The following AFF1 variants were observed in gnomAD, a reference collection of about 807,000 sequenced individuals.
AFF1 encodes the protein ALF transcription elongation factor 1, also known as AF4/FMR2 family member 1.
A neutral mutation model predicts 121.7 loss-of-function variants in AFF1; 48 were observed. The ratio of observed to expected loss-of-function variants is 0.39; its 90% CI spans 0.31 to 0.50. The LOEUF is 0.50. Ranked by LOEUF, AFF1 falls within the 20% of genes least tolerant of loss-of-function variation. AFF1 has a pLI of 0.76. For missense variants in AFF1, 1,523 were observed against 1,511.7 expected, an observed-to-expected ratio of 1.01 and a Z score of -0.12; for synonymous variants, 613 against 563.0, an observed-to-expected ratio of 1.09 and a Z score of -1.26.
In AFF1 at chr4:87,115,234, G is replaced by A. The variant is rs753971459; in HGVS notation, c.2401G>A (p.Gly801Arg). Reference protein sequence around the residue: ...RKAEDKQPPAGKKHSSEKRSS... With the variant: ...RKAEDKQPPARKKHSSEKRSS... ...AGCAGAAGATAAACAGCCGCCCGCA[G>A]GGAAGAAGCACAGCTCTGAGAAGAG... The change falls in exon 12 of 21, where the codon GGG (glycine) becomes AGG (arginine). Residue 801 changes from glycine to arginine, a missense_variant. By Grantham distance (125) the Gly-to-Arg change is moderately radical (BLOSUM62 -2). Around this residue, in one of 5 missense-constraint regions of AFF1, gnomAD observed 905 missense variants for 842.5 expected, o/e 1.07. Transcript: ENST00000395146. The A allele has an allele frequency of 1.2e-5, 20 of 1,614,098 alleles. No homozygotes were observed. In the South Asian group the frequency reaches 1.8e-4, roughly 14 times the overall value.
intron 2 of AFF1, among the ~76,000 whole-genome samples, chr4:86,954,006 C>T (rs1376745866): frequency 1.3e-5 from 2 of 152,064 alleles, no homozygotes; most frequent in South Asian, 2.1e-4. Flanking sequence ...CCACCGTGCC[C>T]GGCCTAGTTC....
chr4:87,047,729 A>T, intron 4 of AFF1, 135 bp downstream of exon 4: 1 of 1,172,340 alleles, frequency 8.5e-7, no homozygotes, highest in Non-Finnish European at 1.3e-6. Flanking sequence ...TGGCTTTAGG[A>T]TCTTGTTAAT....
intron 17 of AFF1, 111 bp from the exon 18 acceptor site, chr4:87,131,682 G>T (rs1728842531): frequency 3.2e-6 from 3 of 950,662 alleles, no homozygotes; most frequent in African/African-American, 1.7e-5. Flanking sequence ...TTCCTGTGAT[G>T]CTCTCATCTC....
At chr4:87,049,618 G>T (rs775690461) in intron 4 of AFF1, 28 of 455,860 alleles carry the variant, frequency 6.1e-5, no homozygotes, top group Admixed American at 9.4e-5. Flanking sequence ...CAACAATGGA[G>T]TAGAAGTAAA....
intron 1 of AFF1, among the ~76,000 whole-genome samples, chr4:86,941,491 T>C (rs7671931): frequency 0.25 from 37,654 of 151,966 alleles, 5,134 homozygotes; most frequent in African/African-American, 0.37. Context: ...AAACCCCGTC[T>C]CTACTAAAAA....
intron 4 of AFF1, among the ~76,000 whole-genome samples, chr4:87,075,921 A>G (rs570938935): frequency 7.9e-5 from 12 of 152,334 alleles, no homozygotes; most frequent in Admixed American, 5.2e-4. Context: ...TGACATGACA[A>G]AATCGAGTAT....
rs1161482707 is a variant in AFF1, at chr4:87,105,805, T to G, written c.1339-3T>G. ...CTTTCTTCCCCTTATTGTGAATGCC[T>G]AGACCCCAGAGAAGCCTCCCTCCTC... On this transcript the variant is annotated splice_region_variant and splice_polypyrimidine_tract_variant and intron_variant, in intron 9 of 20. Transcript: ENST00000395146. 6.2e-7 allele frequency: 1 copy of G among 1,614,160 alleles called. No individual in the cohort carries two copies. Among genetic ancestry groups the G allele is most frequent in the Admixed American group, 1.7e-5 (1 of 60,016 alleles).
chr4:87,068,850 C>T (rs941881817), intron 4 of AFF1, among the ~76,000 whole-genome samples: 6 of 152,086 alleles, frequency 3.9e-5, no homozygotes, highest in African/African-American at 1.4e-4. Flanking sequence ...CTAGTGGCAC[C>T]GATTAGGGCT....
intron 2 of AFF1, among the ~76,000 whole-genome samples, chr4:86,963,166 C>CATGA (rs1722270638): frequency 1.6e-5 from 1 of 63,294 alleles, no homozygotes; most frequent in Non-Finnish European, 2.7e-5. Flanking sequence ...ACTCCCATCT[C>CATGA]AAAAAAAAAA....
intron 2 of AFF1, among the ~76,000 whole-genome samples, chr4:86,996,039 C>CCA (rs1725153971): frequency 6.6e-6 from 1 of 151,812 alleles, no homozygotes; most frequent in Admixed American, 6.6e-5. Context: ...CGCCCAGCAG[C>CCA]CACCCCGTCT....
At chr4:87,076,904 CTG>C (rs2149688850) in intron 4 of AFF1, among the ~76,000 whole-genome samples, 1 of 152,338 alleles carries the variant, frequency 6.6e-6, no homozygotes, top group South Asian at 2.1e-4. Flanking sequence ...GTAATTTACT[CTG>C]TGTCTATAGA....
In AFF1 at chr4:87,105,734, A is replaced by G. The variant is rs17012457; in HGVS notation, c.1338+52A>G. On this transcript the variant is annotated intron_variant, in intron 9 of 20. Transcript: ENST00000395146. ...AGGAGTCCTTTTAAATACATCTAAC[A>G]GATCTGAGCTGCTTGTTCTAACCTG... is the stretch of plus-strand genomic sequence containing the variant. 5.8e-3 allele frequency: 9,288 copies of G among 1,613,758 alleles called. 789 individuals are homozygous for G. The Admixed American group carries it at 0.14, about 25-fold the overall frequency.
intron 2 of AFF1, among the ~76,000 whole-genome samples, chr4:86,958,611 G>C (rs1005281741): frequency 6.6e-6 from 1 of 151,960 alleles, no homozygotes; most frequent in Non-Finnish European, 1.5e-5. Context: ...CCAGCTACTC[G>C]GGAGGCTGAG....
At chr4:87,057,730 A>G (rs1720295793) in intron 4 of AFF1, among the ~76,000 whole-genome samples, 1 of 152,252 alleles carries the variant, frequency 6.6e-6, no homozygotes, top group Non-Finnish European at 1.5e-5. Flanking sequence ...ATTAATTCCC[A>G]GTTAAGAGTT....
At chr4:87,127,173 C>T (rs556443623) in intron 15 of AFF1, 56 bp downstream of exon 15, 12 of 1,296,350 alleles carry the variant, frequency 9.3e-6, no homozygotes, top group Admixed American at 5.6e-5. Flanking sequence ...GCTTCCCCCC[C>T]CCACCAAGAT....
At chr4:86,958,728 T>A (rs1347039393) in intron 2 of AFF1, among the ~76,000 whole-genome samples, 1 of 151,850 alleles carries the variant, frequency 6.6e-6, no homozygotes, top group African/African-American at 2.4e-5. Flanking sequence ...AAAAATAAAA[T>A]AAAATAAATA....
chr4:86,963,865 C>T lies in AFF1; in HGVS notation c.38+15294C>T, dbSNP rs184574139. Among the ~76,000 whole-genome samples, 16 of 151,094 alleles carry T rather than the reference C, an allele frequency of 1.1e-4. No individual in the cohort carries two copies. In the South Asian group the frequency reaches 1.7e-3, roughly 16 times the overall value. On this transcript the variant is annotated intron_variant, in intron 2 of 20. Transcript: ENST00000395146. ...GCTGGAGTGCAGCATTGCACAGTCA[C>T]GGTTCACTACAGCCTCAATCTCCTG... is the stretch of plus-strand genomic sequence containing the variant.
intron 2 of AFF1, among the ~76,000 whole-genome samples, chr4:86,984,101 A>C (rs894458615): frequency 1.3e-5 from 2 of 152,198 alleles, no homozygotes; most frequent in African/African-American, 4.8e-5. Flanking sequence ...ATCATAGCCT[A>C]CTAAATATTA....
At chr4:87,049,790 TCAGA>T (rs1264311834) in intron 4 of AFF1, 1 of 453,974 alleles carries the variant, frequency 2.2e-6, no homozygotes, top group Non-Finnish European at 4.4e-6. Context: ...ACTGAGGGGG[TCAGA>T]CAGATGGAGG....
Sources: allele counts gnomAD v4.1 joint callset (sites outside exome capture counted in the v4.1 genomes callset), GRCh38; gene constraint gnomAD v4.1.1; regional missense constraint gnomAD v4.1.1; transcripts MANE v1.5; gene names NCBI Gene and HGNC (gene_info 2026-07-23, HGNC 2026-07-21).